The following CNTN5 variants were observed in gnomAD, a reference collection of about 807,000 sequenced individuals.
CNTN5 encodes contactin-5.
Under a neutral mutation model 129.1 loss-of-function variants are expected in CNTN5, and 77 were observed. The observed-to-expected ratio is 0.60, with a 90% CI of 0.50 to 0.72. The LOEUF is 0.72. CNTN5 is among the 30% of genes least tolerant of loss of function. The pLI, the probability that CNTN5 is intolerant of heterozygous loss-of-function variation, is 0.00. For missense variants in CNTN5, 1,478 were observed against 1,328.8 expected (o/e 1.11, Z -1.75); for synonymous variants, 509 against 465.6 (o/e 1.09, Z -1.20).
At chr11:99,585,536 CAT>C (rs1949766336) in intron 3 of CNTN5, among the ~76,000 whole-genome samples, 1 of 152,120 alleles carries the variant, frequency 6.6e-6, no homozygotes, top group South Asian at 2.1e-4. Flanking sequence ...GTGGGATTTT[CAT>C]AGTTATTTTA....
chr11:99,948,689 G>A (rs1253427589), intron 7 of CNTN5, among the ~76,000 whole-genome samples: 1 of 152,054 alleles, frequency 6.6e-6, no homozygotes. Context: ...TGTAAAATAA[G>A]GTTACCTATT....
At chr11:99,697,687 A>G (rs1954333773) in intron 3 of CNTN5, among the ~76,000 whole-genome samples, 1 of 151,774 alleles carries the variant, frequency 6.6e-6, no homozygotes, top group African/African-American at 2.4e-5. Context: ...ATGAATATTA[A>G]TCTATCAATA....
intron 3 of CNTN5, among the ~76,000 whole-genome samples, chr11:99,646,435 T>G (rs1315344748): frequency 6.6e-6 from 1 of 152,174 alleles, no homozygotes; most frequent in East Asian, 1.9e-4. Flanking sequence ...CATGCTTTTT[T>G]CTACAATCTA....
At chr11:99,846,212 G>C (rs1947691876) in intron 6 of CNTN5, among the ~76,000 whole-genome samples, 1 of 150,552 alleles carries the variant, frequency 6.6e-6, no homozygotes, top group Non-Finnish European at 1.5e-5. Context: ...ATGAAAATTA[G>C]CCAGGTGAGG....
At chr11:99,532,937 T>C (rs1021007093) in intron 2 of CNTN5, among the ~76,000 whole-genome samples, 1 of 152,186 alleles carries the variant, frequency 6.6e-6, no homozygotes, top group African/African-American at 2.4e-5. Context: ...TAAATACCAA[T>C]TGGGGCTGGG....
At chr11:99,641,004 A>G (rs1951752041) in intron 3 of CNTN5, among the ~76,000 whole-genome samples, 1 of 152,314 alleles carries the variant, frequency 6.6e-6, no homozygotes, top group South Asian at 2.1e-4. Context: ...TGATGCTTAA[A>G]CATACTTTTG....
intron 3 of CNTN5, among the ~76,000 whole-genome samples, chr11:99,596,586 T>A (rs1231319433): frequency 6.6e-6 from 1 of 152,214 alleles, no homozygotes; most frequent in Non-Finnish European, 1.5e-5. Flanking sequence ...TTTTCTTATA[T>A]GTCTTTGCTT....
chr11:100,307,019 G>T (rs1951365544), intron 20 of CNTN5, among the ~76,000 whole-genome samples: 1 of 151,588 alleles, frequency 6.6e-6, no homozygotes, highest in African/African-American at 2.4e-5. Flanking sequence ...TGGTGCAAAG[G>T]TGGACCAACC....
At chr11:100,217,884 C>A (rs1295410725) in intron 15 of CNTN5, among the ~76,000 whole-genome samples, 1 of 152,144 alleles carries the variant, frequency 6.6e-6, no homozygotes, top group Admixed American at 6.5e-5. Flanking sequence ...TTAAATACTA[C>A]TCCTGCCTAG....
chr11:99,564,021 C>T (rs1012034097), intron 3 of CNTN5, among the ~76,000 whole-genome samples: 2 of 152,138 alleles, frequency 1.3e-5, no homozygotes, highest in African/African-American at 4.8e-5. Flanking sequence ...TTTACTCTAA[C>T]ACATATTTAT....
chr11:100,167,979 G>T (rs1282620381), intron 13 of CNTN5, among the ~76,000 whole-genome samples: 1 of 151,864 alleles, frequency 6.6e-6, no homozygotes, highest in Non-Finnish European at 1.5e-5. Context: ...AGAAAATTCT[G>T]GTGGTCTAGG....
chr11:99,028,557 C>T (rs969980669), intron 1 of CNTN5, among the ~76,000 whole-genome samples: 1 of 151,870 alleles, frequency 6.6e-6, no homozygotes, highest in Non-Finnish European at 1.5e-5. Context: ...GCTGCATTTA[C>T]TTTTCAGTGC....
intron 2 of CNTN5, among the ~76,000 whole-genome samples, chr11:99,466,584 G>A (rs1944953853): frequency 6.6e-6 from 1 of 152,146 alleles, no homozygotes; most frequent in Non-Finnish European, 1.5e-5. Flanking sequence ...AGGCTACTGT[G>A]TAATAACACA....
intron 6 of CNTN5, among the ~76,000 whole-genome samples, chr11:99,866,127 A>C (rs1306462365): frequency 6.6e-6 from 1 of 152,192 alleles, no homozygotes; most frequent in Non-Finnish European, 1.5e-5. Flanking sequence ...ATAAGAGGAA[A>C]TGTGATCTCA....
chr11:100,209,130 T>C (rs945744150), intron 15 of CNTN5, among the ~76,000 whole-genome samples: 2 of 152,108 alleles, frequency 1.3e-5, no homozygotes, highest in Non-Finnish European at 2.9e-5. Context: ...TGAGAGGAGA[T>C]TATATAAGGA....
rs191889388 is a variant in CNTN5, at chr11:99,973,169, G to C, written c.877+16160G>C. On this transcript the variant is annotated intron_variant, in intron 8 of 24. Coordinates refer to ENST00000524871, the MANE Select transcript of CNTN5 (RefSeq NM_014361.4). ...AGTCAGTCTGAAGTGGAGAATGCAG[G>C]TAATTCTGACAAGCATCACTAGGAA... 2.0e-5 allele frequency among the ~76,000 whole-genome samples: 3 copies of C among 152,202 alleles called. No individual in the cohort carries two copies. In the East Asian group the frequency reaches 5.8e-4, roughly 29 times the overall value.
At chr11:99,074,222 G>T (rs1211888474) in intron 1 of CNTN5, among the ~76,000 whole-genome samples, 5 of 151,934 alleles carry the variant, frequency 3.3e-5, no homozygotes, top group African/African-American at 1.2e-4. Context: ...TTTTGATGGA[G>T]TTGTTTTTTT....
chr11:99,530,434 T>C (rs10790772), intron 2 of CNTN5, among the ~76,000 whole-genome samples: 39,110 of 152,082 alleles, frequency 0.26, 5,377 homozygotes, highest in Non-Finnish European at 0.31. Flanking sequence ...CAAACACTTA[T>C]TGAAGTCCTG....
intron 13 of CNTN5, among the ~76,000 whole-genome samples, chr11:100,092,420 T>C (rs1944822902): frequency 6.6e-6 from 1 of 152,136 alleles, no homozygotes; most frequent in African/African-American, 2.4e-5. Context: ...ATTTAAGGCC[T>C]GCATTTTCGT....
Sources: gnomAD v4.1 joint callset for allele counts (sites outside exome capture counted in the v4.1 genomes callset) on GRCh38, gnomAD v4.1.1 for gene constraint, MANE v1.5 for transcripts, NCBI Gene and HGNC (gene_info 2026-07-23, HGNC 2026-07-21) for gene names.